The following PSD3 variants were observed in gnomAD, a reference collection of about 807,000 sequenced individuals.
PSD3 encodes PH and SEC7 domain-containing protein 3.
A neutral mutation model predicts 105.5 loss-of-function variants in PSD3; 49 were observed. That is an observed-to-expected ratio of 0.46 (90% CI 0.37 to 0.59). The LOEUF (loss-of-function observed/expected upper bound fraction) is 0.59. Ranked by LOEUF, PSD3 falls within the 20% of genes least tolerant of loss-of-function variation. The pLI, the probability that PSD3 is intolerant of heterozygous loss-of-function variation, is 0.00. For missense variants in PSD3, 1,561 were observed against 1,263.8 expected (o/e 1.24, Z -3.57); for synonymous variants, 557 against 457.8 (o/e 1.22, Z -2.77).
At chr8:18,941,612 C>T (rs1487309918) in intron 1 of PSD3, among the ~76,000 whole-genome samples, 1 of 151,420 alleles carries the variant, frequency 6.6e-6, no homozygotes, top group Non-Finnish European at 1.5e-5. Context: ...GCAACATTAC[C>T]GATTATAATT....
intron 4 of PSD3, among the ~76,000 whole-genome samples, chr8:18,831,053 A>G (rs545822667): frequency 1.6e-4 from 21 of 132,746 alleles, no homozygotes; most frequent in Non-Finnish European, 3.0e-4. Flanking sequence ...GACACCGACC[A>G]CCTTGGTTCA....
chr8:18,723,632 CCTTCCATACA>C (rs1803150239), intron 9 of PSD3, among the ~76,000 whole-genome samples: 3 of 152,170 alleles, frequency 2.0e-5, no homozygotes, highest in Non-Finnish European at 4.4e-5. Flanking sequence ...TCTCCCGAGG[CCTTCCATACA>C]CTAATGGTTC....
rs574613668 is a variant in PSD3 at position 18,629,150 on chromosome 8, A to G, written c.2410+3463T>C. Among the ~76,000 whole-genome samples the G allele has an allele frequency of 6.6e-5, 10 of 152,166 alleles. No homozygotes were observed. In the South Asian group the frequency reaches 2.1e-3, roughly 31 times the overall value. On this transcript the variant is annotated intron_variant, in intron 11 of 15. Coordinates refer to ENST00000327040, the MANE Select transcript of PSD3 (RefSeq NM_015310.4). ...GAAGGAAACTAAAGTGGCTGTATTAATATTAGACAAAGTAGACTCCAAAAT... is the reference window on the plus strand; with the variant it reads ...GAAGGAAACTAAAGTGGCTGTATTAGTATTAGACAAAGTAGACTCCAAAAT...
chr8:18,750,662 GC>G (rs1170326386), intron 9 of PSD3, among the ~76,000 whole-genome samples: 1 of 152,050 alleles, frequency 6.6e-6, no homozygotes, highest in African/African-American at 2.4e-5. Context: ...GATTGGTAGA[GC>G]CGAGTGGCCT....
At chr8:19,055,168 G>GA (rs1828666892) in intron 1 of PSD3, among the ~76,000 whole-genome samples, 1 of 152,178 alleles carries the variant, frequency 6.6e-6, no homozygotes, top group South Asian at 2.1e-4. Flanking sequence ...TGTTGCCATA[G>GA]AATAGTCTTG....
chr8:18,798,135 C>T (rs1810353673), intron 8 of PSD3, among the ~76,000 whole-genome samples: 2 of 152,260 alleles, frequency 1.3e-5, no homozygotes, highest in African/African-American at 4.8e-5. Context: ...AAGATTCACA[C>T]TGTGAAATGC....
At chr8:18,778,653 T>A (rs1406995241) in intron 8 of PSD3, among the ~76,000 whole-genome samples, 1 of 151,982 alleles carries the variant, frequency 6.6e-6, no homozygotes, top group African/African-American at 2.4e-5. Flanking sequence ...TTTTTTATTA[T>A]GAAGGGATGT....
intron 4 of PSD3, among the ~76,000 whole-genome samples, chr8:18,839,559 G>C (rs532534332): frequency 6.6e-6 from 1 of 152,146 alleles, no homozygotes; most frequent in Non-Finnish European, 1.5e-5. Context: ...CAGTCACAGA[G>C]GCGGCCTACT....
At chr8:18,542,276 T>C (rs1800195576) in intron 15 of PSD3, among the ~76,000 whole-genome samples, 1 of 152,200 alleles carries the variant, frequency 6.6e-6, no homozygotes, top group African/African-American at 2.4e-5. Flanking sequence ...GGATTATTTA[T>C]ATCTGGAATC....
intron 8 of PSD3, among the ~76,000 whole-genome samples, chr8:18,788,896 G>C (rs1457180934): frequency 6.6e-6 from 1 of 152,246 alleles, no homozygotes; most frequent in Admixed American, 6.5e-5. Context: ...GCTGCCCTCA[G>C]GTGTCCATTC....
intron 1 of PSD3, among the ~76,000 whole-genome samples, chr8:19,023,766 GT>G (rs1333180235): frequency 6.6e-6 from 1 of 152,036 alleles, no homozygotes; most frequent in Non-Finnish European, 1.5e-5. Flanking sequence ...GCTCTAGAAC[GT>G]TTCCATGAAT....
At chr8:18,796,531 T>C (rs757361274) in intron 8 of PSD3, among the ~76,000 whole-genome samples, 6 of 152,214 alleles carry the variant, frequency 3.9e-5, no homozygotes, top group Non-Finnish European at 7.3e-5. Flanking sequence ...AATATTAGTA[T>C]ACATTCCATT....
At position 18,760,224 on chromosome 8, in the gene PSD3, T is replaced by C. The variant is rs1563233413; in HGVS notation, c.2172+5225A>G. Among the ~76,000 whole-genome samples the C allele has an allele frequency of 3.3e-5, 5 of 152,298 alleles. No individual in the cohort carries two copies. In the South Asian group the frequency reaches 1.0e-3, roughly 32 times the overall value. ...ATACTGTACAATGATTAAATAAAGC[T>C]AATTAACCTATTTCTCACCTCACAT... On this transcript the variant is annotated intron_variant, in intron 9 of 15. Transcript: ENST00000327040.
intron 8 of PSD3, among the ~76,000 whole-genome samples, chr8:18,785,858 C>A (rs1809093702): frequency 6.6e-6 from 1 of 152,122 alleles, no homozygotes; most frequent in Non-Finnish European, 1.5e-5. Context: ...GGGGGAATGG[C>A]CAGCCTTTGG....
intron 9 of PSD3, among the ~76,000 whole-genome samples, chr8:18,724,654 T>C (rs1267216016): frequency 6.6e-6 from 1 of 152,056 alleles, no homozygotes; most frequent in South Asian, 2.1e-4. Context: ...AAAATAATTC[T>C]TTCTGCTGGT....
At chr8:18,780,252 C>G (rs12682382) in intron 8 of PSD3, among the ~76,000 whole-genome samples, 10,371 of 152,172 alleles carry the variant, frequency 0.068, 776 homozygotes, top group East Asian at 0.33. Context: ...CTTTTGGTTT[C>G]TGTTTGCATG....
intron 12 of PSD3, among the ~76,000 whole-genome samples, chr8:18,584,860 G>A (rs1388170110): frequency 1.3e-5 from 2 of 152,158 alleles, no homozygotes; most frequent in African/African-American, 4.8e-5. Context: ...AGAGCCTATG[G>A]CTTATTTTTT....
intron 9 of PSD3, among the ~76,000 whole-genome samples, chr8:18,761,205 T>C (rs17127165): frequency 0.026 from 4,028 of 152,174 alleles, 253 homozygotes; most frequent in East Asian, 0.2. Context: ...TTAAGCAAGA[T>C]TCATTTTCAG....
intron 9 of PSD3, among the ~76,000 whole-genome samples, chr8:18,740,319 C>T (rs571976965): frequency 1.3e-5 from 2 of 152,176 alleles, no homozygotes; most frequent in Non-Finnish European, 2.9e-5. Flanking sequence ...TCTCTCTCCT[C>T]GGAATCTGAC....
Sources: gnomAD v4.1 joint callset for allele counts (sites outside exome capture counted in the v4.1 genomes callset) on GRCh38, gnomAD v4.1.1 for gene constraint, MANE v1.5 for transcripts, NCBI Gene and HGNC (gene_info 2026-07-23, HGNC 2026-07-21) for gene names.